BIRC2: variants seen among roughly 807,000 people sequenced by gnomAD.
BIRC2 encodes the protein baculoviral IAP repeat-containing protein 2.
Under a neutral mutation model 60.9 loss-of-function variants are expected in BIRC2, and 18 were observed. That is an observed-to-expected ratio of 0.30 (90% CI 0.20 to 0.44). The LOEUF is 0.44. BIRC2 is among the 20% of genes least tolerant of loss of function. The pLI is 1.00. For missense variants in BIRC2, 701 were observed against 728.5 expected (o/e 0.96, Z 0.43); for synonymous variants, 282 against 247.7 (o/e 1.14, Z -1.30).
intron 3 of BIRC2, among the ~76,000 whole-genome samples, chr11:102,361,781 T>C (rs1338283109): frequency 6.6e-6 from 1 of 151,628 alleles, no homozygotes; most frequent in Non-Finnish European, 1.5e-5. Flanking sequence ...TTCTTAGCCA[T>C]CTCCAGATGT....
chr11:102,362,747 C>G (rs1418421630), intron 3 of BIRC2, 149 bp from the exon 4 acceptor site: 2 of 533,046 alleles, frequency 3.8e-6, no homozygotes, highest in Non-Finnish European at 6.7e-6. Context: ...TAATTTTGTT[C>G]CTGTTAGATA....
At chr11:102,353,679 C>CTTTTTTTTT (rs60766578) in intron 3 of BIRC2, among the ~76,000 whole-genome samples, 34 of 86,068 alleles carry the variant, frequency 4.0e-4, no homozygotes, top group Non-Finnish European at 6.4e-4. Context: ...TAGTAACTTT[C>CTTTTTTTTT]TTTTTTTTTT....
intron 3 of BIRC2, among the ~76,000 whole-genome samples, chr11:102,355,453 G>C (rs1342730517): frequency 6.6e-6 from 1 of 152,088 alleles, no homozygotes; most frequent in East Asian, 1.9e-4. Context: ...TGGGCTCTCT[G>C]TTCTGTTGGT....
intron 3 of BIRC2, among the ~76,000 whole-genome samples, chr11:102,357,015 A>G (rs1326707434): frequency 6.6e-6 from 1 of 152,174 alleles, no homozygotes; most frequent in East Asian, 1.9e-4. Flanking sequence ...GTGGTATCAC[A>G]TTTATTGATT....
intron 6 of BIRC2, among the ~76,000 whole-genome samples, chr11:102,371,904 A>G (rs1951636334): frequency 6.6e-6 from 1 of 152,074 alleles, no homozygotes; most frequent in Non-Finnish European, 1.5e-5. Flanking sequence ...GGGAGAGTGT[A>G]TGTGTTGAGG....
chr11:102,363,196 T>C (rs906347369), intron 4 of BIRC2, among the ~76,000 whole-genome samples: 8 of 152,206 alleles, frequency 5.3e-5, no homozygotes, highest in African/African-American at 1.9e-4. Flanking sequence ...GTTTTTACTT[T>C]TGTAACCAAC....
intron 3 of BIRC2, among the ~76,000 whole-genome samples, chr11:102,352,123 G>GT (rs1475220567): frequency 4.4e-4 from 48 of 109,116 alleles, no homozygotes; most frequent in South Asian, 5.9e-4. Flanking sequence ...TTTTTGTTTT[G>GT]TTTTTTTTGA....
intron 6 of BIRC2, among the ~76,000 whole-genome samples, chr11:102,373,493 G>T (rs923196387): frequency 2.6e-5 from 4 of 151,684 alleles, no homozygotes; most frequent in Non-Finnish European, 2.9e-5. Flanking sequence ...TTGAATATTG[G>T]CCCCCACTCT....
At chr11:102,351,880 A>T (rs1306869856) in intron 3 of BIRC2, among the ~76,000 whole-genome samples, 1 of 152,060 alleles carries the variant, frequency 6.6e-6, no homozygotes, top group Admixed American at 6.5e-5. Flanking sequence ...GGCCTAGATA[A>T]TTTTTTAAAA....
In BIRC2 at chr11:102,378,196, T is replaced by A; in HGVS notation, c.*13T>A. 6.4e-7 allele frequency: 1 copy of A among 1,564,226 alleles called. No individual in the cohort carries two copies. Among genetic ancestry groups the A allele is most frequent in the Non-Finnish European group, 8.6e-7 (1 of 1,158,228 alleles). On this transcript the variant is annotated 3_prime_UTR_variant, in exon 9 of 9. Transcript: ENST00000227758. The stretch of plus-strand genomic sequence containing the variant: ...ATTTCTCTCTTAAAGAAAAATAGTC[T>A]ATATTTTAACCTGCATAAAAAGGTC...
chr11:102,368,622 C>G (rs1951580876), intron 6 of BIRC2, 74 bp downstream of exon 6: 1 of 1,537,250 alleles, frequency 6.5e-7, no homozygotes, highest in Admixed American at 2.0e-5. Flanking sequence ...TTACAGGACA[C>G]CATGCTTGTT....
rs777390642 is a variant in BIRC2, at chr11:102,349,888, G to C, written c.34G>C (p.Gly12Arg). ...HKTASQRLFP[G>R]PSYQNIKSIM... ...AACTGCCTCCCAAAGACTTTTCCCAGGTCCCTCGTATCAAAACATTAAGAG... is the reference window on the plus strand; with the variant it reads ...AACTGCCTCCCAAAGACTTTTCCCACGTCCCTCGTATCAAAACATTAAGAG... Residue 12 changes from glycine to arginine, a missense_variant, in exon 2 of 9, where the codon GGT becomes CGT. Around this residue, in one of 4 missense-constraint regions of BIRC2, gnomAD observed 375 missense variants for 365.9 expected, o/e 1.02. Coordinates refer to ENST00000227758, the MANE Select transcript of BIRC2 (RefSeq NM_001166.5). 6.2e-7 allele frequency: 1 copy of C among 1,611,730 alleles called. No individual in the cohort carries two copies. Among genetic ancestry groups the C allele is most frequent in the Non-Finnish European group, 8.5e-7 (1 of 1,178,440 alleles).
At position 102,348,675 on chromosome 11, in the gene BIRC2, CTT is replaced by C. The variant is rs569260034; in HGVS notation, c.-1178_-1177del. ...AAATCCCATTATGGAGATCTCGAAA[CTT>C]TATAAAGGGATATAGTTTGAATTCT... is the stretch of plus-strand genomic sequence containing the variant. On this transcript the variant is annotated 5_prime_UTR_variant, in exon 2 of 9. It introduces an in-frame stop codon into an upstream open reading frame of the 5' UTR. Transcript: ENST00000227758. The C allele has an allele frequency of 7.0e-4, 264 of 376,728 alleles. 1 individual carries two copies. The highest frequency in any genetic ancestry group is 3.9e-3 in the African/African-American group (180 of 46,092). The allele number at this position is 376,728 out of a possible 1,614,324, so 23.3% of individuals were successfully genotyped here. A position where few individuals can be genotyped will look rare whatever the true frequency, so the allele number is the denominator to read the frequency against.
chr11:102,375,779 CAAAA>C (rs1278393063), intron 6 of BIRC2, among the ~76,000 whole-genome samples: 1 of 74,700 alleles, frequency 1.3e-5, no homozygotes, highest in Admixed American at 1.5e-4. Context: ...GACTCCATCT[CAAAA>C]AAAAAAAAAA....
intron 5 of BIRC2, among the ~76,000 whole-genome samples, chr11:102,365,184 A>G (rs1463487718): frequency 6.6e-6 from 1 of 152,152 alleles, no homozygotes; most frequent in Non-Finnish European, 1.5e-5. Flanking sequence ...TAAGGCCATT[A>G]CTTCTACTTG....
rs1951348230 is a variant in BIRC2 at position 102,350,621 on chromosome 11, C to T, written c.767C>T (p.Thr256Ile). 2 of 1,614,038 alleles carry T rather than the reference C, an allele frequency of 1.2e-6. No individual in the cohort carries two copies. Among genetic ancestry groups the T allele is most frequent in the Non-Finnish European group, 1.7e-6 (2 of 1,180,046 alleles). Residue 256 changes from threonine (T) to isoleucine (I), a missense_variant, in exon 2 of 9, where the codon ACT (threonine) becomes ATT (isoleucine). Coordinates refer to ENST00000227758, the MANE Select transcript of BIRC2 (RefSeq NM_001166.5). Reference protein sequence around the residue: ...NCPFLENSLETLRFSISNLSM... With the variant: ...NCPFLENSLEILRFSISNLSM... ...CCATTTTTGGAAAATTCTCTAGAAA[C>T]TCTGAGGTTTAGCATTTCAAATCTG...
chr11:102,377,722 T>G lies in BIRC2; in HGVS notation c.1593T>G (p.Ile531Met), dbSNP rs756433847. 1.9e-6 allele frequency: 3 copies of G among 1,605,230 alleles called. No homozygotes were observed. The highest frequency in any genetic ancestry group is 2.7e-5 in the African/African-American group (2 of 74,112). Residue 531 changes from isoleucine to methionine, a missense_variant, in exon 7 of 9, where the codon ATT becomes ATG. By Grantham distance (10) the Ile-to-Met change is conservative. This residue lies in a region of BIRC2 where 235 missense variants were observed against 208.9 expected (regional missense o/e 1.12). Transcript: ENST00000227758. ...ANIFKNCLKEIDSTLYKNLFV... is the reference protein window; with the variant it reads ...ANIFKNCLKEMDSTLYKNLFV... The stretch of plus-strand genomic sequence containing the variant: ...TCTTCAAAAACTGTCTAAAAGAAAT[T>G]GACTCTACATTGTATAAGAACTTAT...
chr11:102,347,607 C>G (rs1951307462), intron 1 of BIRC2: 1 of 152,268 alleles, frequency 6.6e-6, no homozygotes, highest in Non-Finnish European at 1.5e-5. Flanking sequence ...TTTAAAATGA[C>G]TTGTTTTCAA....
intron 6 of BIRC2, among the ~76,000 whole-genome samples, chr11:102,374,685 G>A (rs925653922): frequency 2.0e-5 from 3 of 152,156 alleles, no homozygotes; most frequent in Non-Finnish European, 4.4e-5. Context: ...TTGAGCTGTG[G>A]TGGGCTCCAC....
Sources: gnomAD v4.1 joint callset for allele counts (sites outside exome capture counted in the v4.1 genomes callset) on GRCh38, gnomAD v4.1.1 for gene constraint, gnomAD v4.1.1 regional missense constraint, MANE v1.5 for transcripts, NCBI Gene and HGNC (gene_info 2026-07-23, HGNC 2026-07-21) for gene names.